Variants in VAPA observed in about 807,000 individuals in gnomAD.
The protein encoded by VAPA is VAMP associated protein A.
A neutral mutation model predicts 25.6 loss-of-function variants in VAPA; 6 were observed. That is an observed-to-expected ratio of 0.23 (90% CI 0.13 to 0.46). The LOEUF is 0.46. VAPA is among the 20% of genes least tolerant of loss of function. The pLI, the probability that VAPA is intolerant of heterozygous loss-of-function variation, is 0.99. For missense variants in VAPA, 244 were observed against 302.1 expected, an observed-to-expected ratio of 0.81 and a Z score of 1.43; for synonymous variants, 112 against 106.2, an observed-to-expected ratio of 1.05 and a Z score of -0.34.
chr18:9,933,378 T>TA (rs1348601452), intron 2 of VAPA, among the ~76,000 whole-genome samples: 5 of 152,108 alleles, frequency 3.3e-5, no homozygotes, highest in Non-Finnish European at 7.4e-5. Context: ...AGTCTTGCGG[T>TA]AAGGAGGCCT....
chr18:9,955,060 T>C lies in VAPA; in HGVS notation c.*849T>C, dbSNP rs888031995. The C allele has an allele frequency of 1.3e-5, 2 of 152,226 alleles. No homozygotes were observed. The highest frequency in any genetic ancestry group is 4.8e-5 in the African/African-American group (2 of 41,470). The allele number at this position is 152,226 out of a possible 1,614,324, so 9.4% of individuals were successfully genotyped here. A position where few individuals can be genotyped will look rare whatever the true frequency, so the allele number is the denominator to read the frequency against. The stretch of plus-strand genomic sequence containing the variant: ...TAATAGAAAATAAGGTCCATGAGAA[T>C]AGAAGTTATGTGATTTCAGTGAGTT... On this transcript the variant is annotated 3_prime_UTR_variant, in exon 6 of 6. Coordinates refer to ENST00000400000, the MANE Select transcript of VAPA (RefSeq NM_194434.3).
In VAPA at chr18:9,955,794, A is replaced by C. The variant is rs369521930; in HGVS notation, c.*1583A>C. On this transcript the variant is annotated 3_prime_UTR_variant, in exon 6 of 6. Transcript: ENST00000400000. ...TTATAAAACCTCTTGCTTGTGTGCA[A>C]AAGTTCCTAAAAGGAAACACAAGTA... 6.6e-6 allele frequency: 1 copy of C among 152,220 alleles called. No individual in the cohort carries two copies. The highest frequency in any genetic ancestry group is 6.5e-5 in the Admixed American group (1 of 15,284). The allele number at this position is 152,220 out of a possible 1,614,324, so 9.4% of individuals were successfully genotyped here.
At chr18:9,935,398 C>G (rs749636260) in intron 2 of VAPA, among the ~76,000 whole-genome samples, 3 of 152,070 alleles carry the variant, frequency 2.0e-5, no homozygotes, top group Non-Finnish European at 4.4e-5. Context: ...ATGACGAAAA[C>G]CCTTTCTCTA....
intron 1 of VAPA, among the ~76,000 whole-genome samples, chr18:9,916,162 C>T (rs1363777927): frequency 2.0e-5 from 3 of 152,028 alleles, no homozygotes; most frequent in Non-Finnish European, 4.4e-5. Flanking sequence ...TGTTATGTTG[C>T]TATAGTAAGG....
chr18:9,929,530 TTTTGAA>T (rs2069231714), intron 1 of VAPA, among the ~76,000 whole-genome samples: 1 of 152,124 alleles, frequency 6.6e-6, no homozygotes, highest in East Asian at 1.9e-4. Flanking sequence ...TGTAAAATGT[TTTTGAA>T]TATTTACCTA....
chr18:9,942,059 G>A (rs1176165571), intron 4 of VAPA, among the ~76,000 whole-genome samples: 2 of 152,120 alleles, frequency 1.3e-5, no homozygotes, highest in Admixed American at 6.5e-5. Context: ...TTTTAACTGC[G>A]TTGCTGGTAA....
rs2069528902 is a variant in VAPA, at chr18:9,954,767, C to G, written c.*556C>G. ...TGACTGAGTTTTTCATCCTTACAAT[C>G]CTGTCCCATGGTATTTAACATAAAA... is the stretch of plus-strand genomic sequence containing the variant. On this transcript the variant is annotated 3_prime_UTR_variant, in exon 6 of 6. Transcript: ENST00000400000. 6.6e-6 allele frequency: 1 copy of G among 152,616 alleles called. No individual in the cohort carries two copies. Among genetic ancestry groups the G allele is most frequent in the African/African-American group, 2.4e-5 (1 of 41,412 alleles). 9.5% of individuals were successfully genotyped at this position (152,616 alleles called of 1,614,324 possible).
In VAPA at chr18:9,958,836, A is replaced by G. The variant is rs1390543847; in HGVS notation, c.*4625A>G. 1.3e-5 allele frequency: 2 copies of G among 152,242 alleles called. No individual in the cohort carries two copies. Among genetic ancestry groups the G allele is most frequent in the African/African-American group, 4.8e-5 (2 of 41,470 alleles). 9.4% of individuals were successfully genotyped at this position (152,242 alleles called of 1,614,324 possible). A position where few individuals can be genotyped will look rare whatever the true frequency, so the allele number is the denominator to read the frequency against. ...ACCACTAAAGATTTTTGACTTGTGA[A>G]TAAATGAGCTGTCATCGCAAAAAGG... On this transcript the variant is annotated 3_prime_UTR_variant, in exon 6 of 6. Coordinates refer to ENST00000400000, the MANE Select transcript of VAPA (RefSeq NM_194434.3).
intron 4 of VAPA, chr18:9,945,171 A>G: frequency 8.2e-7 from 1 of 1,216,036 alleles, no homozygotes; most frequent in East Asian, 2.4e-5. Flanking sequence ...AGTAGATAGA[A>G]TTGAACTATG....
chr18:9,956,653 C>T lies in VAPA; in HGVS notation c.*2442C>T, dbSNP rs2069554381. On this transcript the variant is annotated 3_prime_UTR_variant, in exon 6 of 6. Transcript: ENST00000400000. ...TGTGATCAGATTATTTTACTACCAA[C>T]AGTTATAGTTTGAAAGTCCAACTGT... is the stretch of plus-strand genomic sequence containing the variant. 6.6e-6 allele frequency: 1 copy of T among 152,552 alleles called. No individual in the cohort carries two copies. Among genetic ancestry groups the T allele is most frequent in the African/African-American group, 2.4e-5 (1 of 41,402 alleles). 9.4% of individuals were successfully genotyped at this position (152,552 alleles called of 1,614,324 possible).
At chr18:9,925,184 G>C (rs1395390476) in intron 1 of VAPA, 1 of 152,038 alleles carries the variant, frequency 6.6e-6, no homozygotes, top group African/African-American at 2.4e-5. Flanking sequence ...CATATTAAGT[G>C]GATTTTGGAG....
chr18:9,932,639 T>C (rs990124151), intron 2 of VAPA, among the ~76,000 whole-genome samples: 10 of 152,196 alleles, frequency 6.6e-5, no homozygotes, highest in African/African-American at 2.2e-4. Context: ...GAAGTAAATA[T>C]GAGAACTTTT....
intron 4 of VAPA, among the ~76,000 whole-genome samples, chr18:9,942,319 C>T (rs1193424619): frequency 6.6e-6 from 1 of 152,038 alleles, no homozygotes; most frequent in African/African-American, 2.4e-5. Flanking sequence ...TTTTGGTAGT[C>T]AACTTAGAAA....
At chr18:9,918,424 T>A (rs1198818225) in intron 1 of VAPA, among the ~76,000 whole-genome samples, 1 of 152,224 alleles carries the variant, frequency 6.6e-6, no homozygotes, top group Non-Finnish European at 1.5e-5. Flanking sequence ...TAGTCCACGG[T>A]ACTTTTATCC....
intron 1 of VAPA, among the ~76,000 whole-genome samples, chr18:9,924,748 T>G (rs2069185946): frequency 6.6e-6 from 1 of 152,136 alleles, no homozygotes; most frequent in Admixed American, 6.5e-5. Context: ...GAGAGAAGCC[T>G]TAGAGATCAT....
chr18:9,950,736 G>A (rs1390457878), intron 5 of VAPA, 168 bp downstream of exon 5: 19 of 639,300 alleles, frequency 3.0e-5, no homozygotes, highest in Admixed American at 6.5e-5. Context: ...CAGTCTTCCC[G>A]TGGTTTCTCA....
At chr18:9,939,482 C>T (rs56004339) in intron 4 of VAPA, among the ~76,000 whole-genome samples, 78,939 of 150,188 alleles carry the variant, frequency 0.53, 21,328 homozygotes, top group African/African-American at 0.61. Flanking sequence ...TTGGATGATA[C>T]GTTTCTTAAA....
At chr18:9,932,694 T>C (rs192295917) in intron 2 of VAPA, among the ~76,000 whole-genome samples, 1 of 152,310 alleles carries the variant, frequency 6.6e-6, no homozygotes, top group Admixed American at 6.5e-5. Context: ...TCAGGCTGCA[T>C]TTACTCTTTC....
intron 1 of VAPA, 34 bp downstream of exon 1, chr18:9,914,369 G>GGGCGC: frequency 6.5e-7 from 1 of 1,543,420 alleles, no homozygotes; most frequent in Admixed American, 2.0e-5. Context: ...GGGTGGGGTG[G>GGGCGC]GGCGCGCGGA....
Sources: gnomAD v4.1 joint callset for allele counts (sites outside exome capture counted in the v4.1 genomes callset) on GRCh38, gnomAD v4.1.1 for gene constraint, MANE v1.5 for transcripts, NCBI Gene and HGNC (gene_info 2026-07-23, HGNC 2026-07-21) for gene names.